ASIC2: variants seen among roughly 807,000 people sequenced by gnomAD.
ASIC2 encodes the protein acid sensing ion channel subunit 2, also known as acid-sensing ion channel 2.
A neutral mutation model predicts 57.3 loss-of-function variants in ASIC2; 25 were observed. That is an observed-to-expected ratio of 0.44 (90% CI 0.32 to 0.61). ASIC2 has a LOEUF of 0.61. ASIC2 is among the 20% of genes least tolerant of loss of function. The pLI is 0.06. For missense variants in ASIC2, 641 were observed against 738.1 expected, an observed-to-expected ratio of 0.87 and a Z score of 1.52; for synonymous variants, 319 against 307.5, an observed-to-expected ratio of 1.04 and a Z score of -0.39.
intron 1 of ASIC2, among the ~76,000 whole-genome samples, chr17:33,656,679 CTGTGTCT>C (rs1362489693): frequency 6.6e-6 from 1 of 152,170 alleles, no homozygotes; most frequent in Admixed American, 6.5e-5. Flanking sequence ...ACCTCCAAGC[CTGTGTCT>C]TGTGTTCCCC....
intron 1 of ASIC2, among the ~76,000 whole-genome samples, chr17:33,229,157 A>G (rs1327625074): frequency 6.6e-6 from 1 of 152,116 alleles, no homozygotes; most frequent in African/African-American, 2.4e-5. Context: ...TCTGAGATGG[A>G]AAGAGGTGTA....
In ASIC2 at chr17:33,013,870, G is replaced by T; in HGVS notation, c.*95C>A. On this transcript the variant is annotated 3_prime_UTR_variant, in exon 10 of 10. Coordinates refer to ENST00000225823, the MANE Select transcript of ASIC2 (RefSeq NM_183377.2). ...CATAGGGGGCTCTTGCTTCTTTCCA[G>T]CACTGGGGCCATCCCACCTGAGCTT... 1 of 1,134,826 alleles carries T rather than the reference G, an allele frequency of 8.8e-7. No individual in the cohort carries two copies. The highest frequency in any genetic ancestry group is 1.3e-6 in the Non-Finnish European group (1 of 769,604). The allele number at this position is 1,134,826 out of a possible 1,614,324, so 70.3% of individuals were successfully genotyped here.
chr17:33,167,058 C>T (rs987069291), intron 1 of ASIC2, among the ~76,000 whole-genome samples: 2 of 152,156 alleles, frequency 1.3e-5, no homozygotes, highest in Non-Finnish European at 2.9e-5. Flanking sequence ...TAAAGTGCCC[C>T]CTACAGAGCT....
chr17:33,523,266 T>A (rs1914794743), intron 1 of ASIC2, among the ~76,000 whole-genome samples: 1 of 152,144 alleles, frequency 6.6e-6, no homozygotes. Context: ...TTTTATGTAT[T>A]TACTTTTTGA....
At chr17:34,123,094 G>T (rs1911673483) in intron 1 of ASIC2, among the ~76,000 whole-genome samples, 1 of 152,152 alleles carries the variant, frequency 6.6e-6, no homozygotes, top group South Asian at 2.1e-4. Context: ...CAAGTTGTCG[G>T]AAGACAAGTC....
chr17:33,971,916 C>G (rs549982531), intron 1 of ASIC2, among the ~76,000 whole-genome samples: 1 of 152,140 alleles, frequency 6.6e-6, no homozygotes, highest in East Asian at 1.9e-4. Context: ...ATAATTCTTC[C>G]CCGAGACTGA....
chr17:33,126,147 G>A (rs1428191952), intron 1 of ASIC2, among the ~76,000 whole-genome samples: 1 of 152,200 alleles, frequency 6.6e-6, no homozygotes, highest in Non-Finnish European at 1.5e-5. Context: ...GGAAATTGGG[G>A]TTCAGGGAAG....
At chr17:33,621,764 A>T (rs907518411) in intron 1 of ASIC2, among the ~76,000 whole-genome samples, 3 of 152,210 alleles carry the variant, frequency 2.0e-5, no homozygotes, top group Non-Finnish European at 2.9e-5. Flanking sequence ...AACGTCTTCT[A>T]ATTATCCTCC....
intron 1 of ASIC2, among the ~76,000 whole-genome samples, chr17:34,131,303 A>AAG (rs10624350): frequency 0.19 from 28,537 of 151,912 alleles, 3,259 homozygotes; most frequent in South Asian, 0.36. Context: ...ATGGGGATGG[A>AAG]AGAGAGAGAG....
intron 1 of ASIC2, among the ~76,000 whole-genome samples, chr17:33,159,291 C>G (rs1226475211): frequency 6.6e-6 from 1 of 152,172 alleles, no homozygotes; most frequent in African/African-American, 2.4e-5. Flanking sequence ...TAAGGCAAAT[C>G]TTTCTCTAGT....
chr17:33,999,350 C>T (rs1597967954), intron 1 of ASIC2, among the ~76,000 whole-genome samples: 1 of 152,176 alleles, frequency 6.6e-6, no homozygotes, highest in East Asian at 1.9e-4. Context: ...GCATTTAATC[C>T]ATTTACACAA....
chr17:33,924,888 G>C (rs1400381266), intron 1 of ASIC2, among the ~76,000 whole-genome samples: 1 of 152,194 alleles, frequency 6.6e-6, no homozygotes, highest in Non-Finnish European at 1.5e-5. Context: ...CAAGCTTCGT[G>C]ATGACCATGC....
chr17:33,339,123 A>G (rs1035303274), intron 1 of ASIC2, among the ~76,000 whole-genome samples: 1 of 152,194 alleles, frequency 6.6e-6, no homozygotes, highest in Non-Finnish European at 1.5e-5. Flanking sequence ...GAAAGAAAAA[A>G]TAAAGCCTTT....
At chr17:33,370,299 GAAC>G (rs1413789009) in intron 1 of ASIC2, among the ~76,000 whole-genome samples, 1 of 152,152 alleles carries the variant, frequency 6.6e-6, no homozygotes, top group East Asian at 1.9e-4. Flanking sequence ...TCTGATCAAA[GAAC>G]ACCACCCCCA....
At chr17:33,437,191 G>T (rs1455021581) in intron 1 of ASIC2, among the ~76,000 whole-genome samples, 1 of 152,022 alleles carries the variant, frequency 6.6e-6, no homozygotes, top group Non-Finnish European at 1.5e-5. Context: ...CAGGATCTCA[G>T]GCTAGAATGC....
At chr17:33,399,043 C>A (rs368517506) in intron 1 of ASIC2, among the ~76,000 whole-genome samples, 20 of 152,146 alleles carry the variant, frequency 1.3e-4, no homozygotes, top group Middle Eastern at 3.4e-3. Context: ...TACTCTGTAT[C>A]CAGAGAAGCA....
intron 1 of ASIC2, among the ~76,000 whole-genome samples, chr17:33,746,222 TC>T (rs1910253392): frequency 6.6e-6 from 1 of 151,250 alleles, no homozygotes; most frequent in Non-Finnish European, 1.5e-5. Context: ...ATACATGTCT[TC>T]CTTTCTTTTC....
At chr17:33,990,884 TCA>T (rs1222634159) in intron 1 of ASIC2, among the ~76,000 whole-genome samples, 5 of 152,266 alleles carry the variant, frequency 3.3e-5, no homozygotes, top group Admixed American at 6.5e-5. Context: ...CTATGAATAA[TCA>T]CATACACTTA....
intron 3 of ASIC2, among the ~76,000 whole-genome samples, chr17:33,045,438 A>T (rs2091949757): frequency 6.6e-6 from 1 of 152,176 alleles, no homozygotes; most frequent in South Asian, 2.1e-4. Flanking sequence ...GTTGATTGAA[A>T]CAGGGGGAGG....
Sources: allele counts gnomAD v4.1 joint callset (sites outside exome capture counted in the v4.1 genomes callset), GRCh38; gene constraint gnomAD v4.1.1; transcripts MANE v1.5; gene names NCBI Gene and HGNC (gene_info 2026-07-23, HGNC 2026-07-21).